Variants in JAZF1 observed in about 807,000 individuals in gnomAD.
JAZF1 encodes juxtaposed with another zinc finger protein 1.
Under a neutral mutation model 26.4 loss-of-function variants are expected in JAZF1, and 8 were observed. The ratio of observed to expected loss-of-function variants is 0.30; its 90% confidence interval spans 0.18 to 0.55. The LOEUF (loss-of-function observed/expected upper bound fraction) is 0.55. Ranked by LOEUF, JAZF1 falls within the 20% of genes least tolerant of loss-of-function variation. JAZF1 has a pLI of 0.94. For missense variants in JAZF1, 199 were observed against 322.0 expected (o/e 0.62, Z 2.92); for synonymous variants, 126 against 122.3 (o/e 1.03, Z -0.20).
rs910584361 is a variant in JAZF1, at chr7:28,180,586, A to G, written c.-9T>C. 54 of 1,584,704 alleles carry G rather than the reference A, an allele frequency of 3.4e-5. No individual in the cohort carries two copies. The highest frequency in any genetic ancestry group is 5.1e-5 in the Admixed American group (3 of 58,628). On this transcript the variant is annotated 5_prime_UTR_variant, in exon 1 of 5. The change abolishes an upstream ATG in the 5' untranslated region. Transcript: ENST00000283928. ...GCGGCGATGCCTGTCATGGTGCTAC[A>G]TCGAGAGCCCCCCTGGTGTCGGCTC...
chr7:27,906,164 G>T (rs1731876853), intron 2 of JAZF1, among the ~76,000 whole-genome samples: 1 of 152,168 alleles, frequency 6.6e-6, no homozygotes, highest in African/African-American at 2.4e-5. Context: ...AAATCCAGTA[G>T]CTTCTCCTTT....
In JAZF1 at chr7:27,981,224, C is replaced by A. The variant is rs77214245; in HGVS notation, c.188+10685G>T. Among the ~76,000 whole-genome samples the A allele has an allele frequency of 7.4e-3, 1,120 of 152,278 alleles. 8 individuals are homozygous for A. Among genetic ancestry groups the A allele is most frequent in the Non-Finnish European group, 0.011 (757 of 68,024 alleles). ...TTATAATGAGGTGCCCAGTTCAAGA[C>A]CCATCTTCTCCAGATCTAACTTCTA... On this transcript the variant is annotated intron_variant, in intron 2 of 4. Transcript: ENST00000283928.
rs540392324 is a variant in JAZF1, at chr7:27,892,591, A to G, written c.385+2629T>C. Reference sequence around the variant, plus strand: ...GGAAACTGTTCCCATAATTCATATTATATGTGAATAAGTATCATAGCAATA... The same window carrying G: ...GGAAACTGTTCCCATAATTCATATTGTATGTGAATAAGTATCATAGCAATA... On this transcript the variant is annotated intron_variant, in intron 3 of 4. Transcript: ENST00000283928. Among the ~76,000 whole-genome samples, 26 of 152,346 alleles carry G rather than the reference A, an allele frequency of 1.7e-4. 1 individual carries two copies. Among genetic ancestry groups the G allele is most frequent in the African/African-American group, 5.8e-4 (24 of 41,568 alleles).
At chr7:28,033,890 C>A (rs539850548) in intron 1 of JAZF1, among the ~76,000 whole-genome samples, 2 of 152,034 alleles carry the variant, frequency 1.3e-5, no homozygotes, top group Non-Finnish European at 2.9e-5. Flanking sequence ...TTACAGGCAC[C>A]GCCACTATGC....
At position 28,118,761 on chromosome 7, in the gene JAZF1, TACACACACACACACACAC is replaced by T. The variant is rs10612400; in HGVS notation, c.115+61684_115+61701del. 1.8e-4 allele frequency among the ~76,000 whole-genome samples: 27 copies of T among 148,792 alleles called. 1 individual carries two copies. In the South Asian group the frequency reaches 5.6e-3, roughly 31 times the overall value. ...TGGAGATCTATTTCTAAGAGAGTTT[TACACACACACACACACAC>T]ACACACACACACAACACACACACAC... On this transcript the variant is annotated intron_variant, in intron 1 of 4. Coordinates refer to ENST00000283928, the MANE Select transcript of JAZF1 (RefSeq NM_175061.4).
intron 1 of JAZF1, among the ~76,000 whole-genome samples, chr7:28,089,909 T>C (rs753245364): frequency 2.6e-5 from 4 of 152,180 alleles, no homozygotes; most frequent in East Asian, 1.9e-4. Context: ...TGACTACATA[T>C]AGTAAAATAC....
intron 1 of JAZF1, among the ~76,000 whole-genome samples, chr7:28,118,769 C>CACACACACACACACACACACA (rs1784789545): frequency 6.6e-6 from 1 of 150,698 alleles, no homozygotes; most frequent in East Asian, 1.9e-4. Context: ...TTTACACACA[C>CACACACACACACACACACACA]ACACACACAC....
rs1783569839 is a variant in JAZF1, at chr7:28,177,730, A to C, written c.115+2733T>G. Among the ~76,000 whole-genome samples the C allele has an allele frequency of 2.6e-5, 4 of 152,356 alleles. No individual in the cohort carries two copies. In the South Asian group the frequency reaches 8.3e-4, roughly 32 times the overall value. On this transcript the variant is annotated intron_variant, in intron 1 of 4. Transcript: ENST00000283928. ...CATGAAATCAGTAAGTCAATCATTA[A>C]CGGTCTCCAAATACTTATAGATTGA...
chr7:28,081,087 CACAGG>C (rs1244556244), intron 1 of JAZF1, among the ~76,000 whole-genome samples: 1 of 152,140 alleles, frequency 6.6e-6, no homozygotes, highest in East Asian at 1.9e-4. Context: ...TGGGGACCAG[CACAGG>C]AAAGGCAGCT....
chr7:28,164,861 A>G (rs1345150213), intron 1 of JAZF1, among the ~76,000 whole-genome samples: 1 of 152,178 alleles, frequency 6.6e-6, no homozygotes, highest in Non-Finnish European at 1.5e-5. Flanking sequence ...AAAATGTACC[A>G]AACATTATTT....
intron 1 of JAZF1, among the ~76,000 whole-genome samples, chr7:27,992,984 A>T (rs1220801247): frequency 2.0e-5 from 3 of 152,186 alleles, no homozygotes; most frequent in African/African-American, 7.2e-5. Flanking sequence ...AAGTGCATTA[A>T]CAGGTGATGG....
chr7:28,127,547 C>A lies in JAZF1; in HGVS notation c.115+52916G>T, dbSNP rs577545451. On this transcript the variant is annotated intron_variant, in intron 1 of 4. Coordinates refer to ENST00000283928, the MANE Select transcript of JAZF1 (RefSeq NM_175061.4). ...TGGCACCTCATTTCACCAGGGAGGT[C>A]TAAAAGAAAAAAAAAGTGCCAAAAA... 6.0e-5 allele frequency among the ~76,000 whole-genome samples: 9 copies of A among 149,756 alleles called. No homozygotes were observed. The East Asian group carries it at 1.8e-3, about 29-fold the overall frequency.
chr7:27,911,890 A>AT (rs914870957), intron 2 of JAZF1, among the ~76,000 whole-genome samples: 122 of 152,244 alleles, frequency 8.0e-4, no homozygotes, highest in African/African-American at 2.9e-3. Context: ...GGTCTCATAT[A>AT]TTTTTTTCAG....
intron 3 of JAZF1, among the ~76,000 whole-genome samples, chr7:27,867,814 A>G (rs1783503364): frequency 6.6e-6 from 1 of 152,228 alleles, no homozygotes; most frequent in Non-Finnish European, 1.5e-5. Context: ...AGTGCCATTC[A>G]TGTCCTACAT....
intron 2 of JAZF1, among the ~76,000 whole-genome samples, chr7:27,903,040 A>G (rs1323851891): frequency 7.0e-6 from 1 of 142,482 alleles, no homozygotes; most frequent in Admixed American, 7.0e-5. Flanking sequence ...AAAAAAAAAG[A>G]AGTGACTAAC....
intron 3 of JAZF1, among the ~76,000 whole-genome samples, chr7:27,893,868 C>G (rs1439886785): frequency 2.0e-5 from 3 of 152,170 alleles, no homozygotes; most frequent in African/African-American, 7.2e-5. Flanking sequence ...TGGGCACGCT[C>G]TGCTCAGGGT....
In JAZF1 at chr7:27,830,883, G is replaced by T. The variant is rs1341856141; in HGVS notation, c.*1917C>A. 1.4e-5 allele frequency: 3 copies of T among 214,576 alleles called. No homozygotes were observed. The highest frequency in any genetic ancestry group is 2.8e-5 in the Non-Finnish European group (3 of 106,098). The allele number at this position is 214,576 out of a possible 1,614,324, so 13.3% of individuals were successfully genotyped here. Reference sequence around the variant, plus strand: ...GAATTTATCTTTGAAAGCATTGAAAGAAATTTAACATGCACAATGACTATT... The same window carrying T: ...GAATTTATCTTTGAAAGCATTGAAATAAATTTAACATGCACAATGACTATT... On this transcript the variant is annotated 3_prime_UTR_variant, in exon 5 of 5. Coordinates refer to ENST00000283928, the MANE Select transcript of JAZF1 (RefSeq NM_175061.4).
intron 4 of JAZF1, among the ~76,000 whole-genome samples, chr7:27,835,250 GC>G (rs1782783648): frequency 1.3e-5 from 2 of 152,128 alleles, no homozygotes; most frequent in Non-Finnish European, 2.9e-5. Flanking sequence ...CAGTATCAGG[GC>G]TTAGCCATTC....
chr7:28,079,842 A>G (rs1784107887), intron 1 of JAZF1, among the ~76,000 whole-genome samples: 1 of 152,182 alleles, frequency 6.6e-6, no homozygotes, highest in Non-Finnish European at 1.5e-5. Context: ...TTCAGCTAGC[A>G]CCATGGATCA....
Sources: allele counts gnomAD v4.1 joint callset (sites outside exome capture counted in the v4.1 genomes callset), GRCh38; gene constraint gnomAD v4.1.1; transcripts MANE v1.5; gene names NCBI Gene and HGNC (gene_info 2026-07-23, HGNC 2026-07-21).